TIAM2: variants seen among roughly 807,000 people sequenced by gnomAD.
The protein encoded by TIAM2 is TIAM Rac1 associated GEF 2.
A neutral mutation model predicts 152.9 loss-of-function variants in TIAM2; 80 were observed. The ratio of observed to expected loss-of-function variants is 0.52; its 90% CI spans 0.44 to 0.63. TIAM2 has a LOEUF of 0.63. Among genes scored for constraint, TIAM2 ranks in the 30% least tolerant of loss-of-function variants. The probability of loss-of-function intolerance (pLI) is 0.00; values close to 1 mark genes in which losing one functional copy is unlikely to be tolerated. For synonymous variants in TIAM2, 804 were observed against 838.0 expected (o/e 0.96, Z 0.70); for missense variants, 1,965 against 2,120.1 (o/e 0.93, Z 1.44).
intron 14 of TIAM2, among the ~76,000 whole-genome samples, chr6:155,202,499 G>T (rs1484827276): frequency 1.3e-5 from 2 of 152,092 alleles, no homozygotes; most frequent in Admixed American, 1.3e-4. Flanking sequence ...AGCCACTGCA[G>T]CCTCTACCTC....
At chr6:155,043,633 CAA>C (rs60093259) in intron 1 of TIAM2, among the ~76,000 whole-genome samples, 9 of 50,252 alleles carry the variant, frequency 1.8e-4, no homozygotes, top group East Asian at 6.4e-4. Context: ...GACCCTGTCT[CAA>C]AAAAAAAAAA....
chr6:155,108,192 CA>C (rs1199606379), intron 2 of TIAM2, among the ~76,000 whole-genome samples: 1 of 152,284 alleles, frequency 6.6e-6, no homozygotes, highest in East Asian at 1.9e-4. Context: ...GGTTCGTTTT[CA>C]GCTGTGCTGG....
intron 1 of TIAM2, among the ~76,000 whole-genome samples, chr6:155,045,131 G>A (rs184571772): frequency 3.9e-4 from 58 of 147,378 alleles, no homozygotes; most frequent in Middle Eastern, 3.5e-3. Flanking sequence ...GCTCACTGCA[G>A]CCTCTGCCCA....
At chr6:155,202,829 G>C (rs2115191024) in intron 14 of TIAM2, among the ~76,000 whole-genome samples, 1 of 148,692 alleles carries the variant, frequency 6.7e-6, no homozygotes, top group Admixed American at 6.8e-5. Context: ...CTCGAGGTTA[G>C]GAGTTTGAGA....
Position 155,154,490 on chromosome 6 carries a change from A to G in TIAM2, c.2028+6156A>G, listed in dbSNP as rs538496449. Among the ~76,000 whole-genome samples, 8 of 151,344 alleles carry G rather than the reference A, an allele frequency of 5.3e-5. No individual in the cohort carries two copies. In the South Asian group the frequency reaches 8.4e-4, roughly 16 times the overall value. On this transcript the variant is annotated intron_variant, in intron 7 of 26. Transcript: ENST00000682666. ...TGCAGCTTTCATTTGAGCATGTCCA[A>G]TGTGGACCAGATCACACCGCCATCC...
intron 1 of TIAM2, among the ~76,000 whole-genome samples, chr6:154,997,019 A>C (rs772013616): frequency 1.3e-5 from 2 of 152,166 alleles, no homozygotes; most frequent in East Asian, 3.9e-4. Flanking sequence ...AAGATGCTTC[A>C]TAATGTGGCA....
chr6:155,080,021 G>T (rs919780766), intron 1 of TIAM2, among the ~76,000 whole-genome samples: 1 of 152,112 alleles, frequency 6.6e-6, no homozygotes, highest in East Asian at 1.9e-4. Context: ...TCTGATGATG[G>T]TAAAATGAAA....
Position 155,148,264 on chromosome 6 carries a change from T to C in TIAM2, c.1958T>C (p.Met653Thr). The C allele has an allele frequency of 6.2e-7, 1 of 1,612,564 alleles. No individual in the cohort carries two copies. The highest frequency in any genetic ancestry group is 8.5e-7 in the Non-Finnish European group (1 of 1,179,998). The change falls in exon 7 of 27, where the codon ATG (methionine) becomes ACG (threonine). Residue 653 changes from methionine to threonine, a missense_variant. Physicochemically the swap from Met to Thr is moderately conservative, Grantham distance 81. This residue lies in a region of TIAM2 where 1,025 missense variants were observed against 1,119.4 expected (regional missense o/e 0.92). Transcript: ENST00000682666. ...LLQKIDMDSKMKKMAELQLSV... is the reference protein window; with the variant it reads ...LLQKIDMDSKTKKMAELQLSV... ...CAGAAGATAGACATGGACAGCAAGA[T>C]GAAGAAGATGGCAGAGCTGCAGCTG...
intron 1 of TIAM2, among the ~76,000 whole-genome samples, chr6:155,062,466 T>C (rs1333484770): frequency 6.6e-6 from 1 of 152,012 alleles, no homozygotes; most frequent in Non-Finnish European, 1.5e-5. Context: ...TGTTGCTCCA[T>C]ATCCTCACCA....
At chr6:155,191,972 A>C (rs1453435656) in intron 14 of TIAM2, among the ~76,000 whole-genome samples, 2 of 152,196 alleles carry the variant, frequency 1.3e-5, no homozygotes, top group Non-Finnish European at 2.9e-5. Flanking sequence ...TTTAAATTTC[A>C]AAAGACTTTG....
chr6:155,172,488 C>T (rs1583228483), intron 9 of TIAM2, among the ~76,000 whole-genome samples: 2 of 151,336 alleles, frequency 1.3e-5, no homozygotes, highest in South Asian at 2.1e-4. Context: ...CGTTTTTAAC[C>T]TCTTTTGAAG....
chr6:155,087,430 C>G lies in TIAM2; in HGVS notation c.-208-2859C>G, dbSNP rs549215550. On this transcript the variant is annotated intron_variant, in intron 1 of 26. Coordinates refer to ENST00000682666, the MANE Select transcript of TIAM2 (RefSeq NM_012454.4). ...AGACAGAGCCTAGTGAAGCTTGATT[C>G]AGTATTCTTTTCTTATCATTTGAAA... is the stretch of plus-strand genomic sequence containing the variant. Among the ~76,000 whole-genome samples, 405 of 152,262 alleles carry G rather than the reference C, an allele frequency of 2.7e-3. 1 individual carries two copies. The highest frequency in any genetic ancestry group is 9.0e-3 in the African/African-American group (375 of 41,548).
intron 15 of TIAM2, 97 bp downstream of exon 15, chr6:155,211,404 C>G: frequency 1.1e-6 from 1 of 879,428 alleles, no homozygotes; most frequent in South Asian, 1.5e-5. Context: ...AGTTACCTAT[C>G]TCTAGGTCCA....
At position 155,160,536 on chromosome 6, in the gene TIAM2, C is replaced by T. The variant is rs141216626; in HGVS notation, c.2029-3879C>T. Among the ~76,000 whole-genome samples, 510 of 152,232 alleles carry T rather than the reference C, an allele frequency of 3.4e-3. 2 individuals carry two copies. The highest frequency in any genetic ancestry group is 0.012 in the African/African-American group (481 of 41,536). On this transcript the variant is annotated intron_variant, in intron 7 of 26. Transcript: ENST00000682666. Reference sequence around the variant, plus strand: ...TTGGTACATAATATTAACCATTACGCGGGTGGATCGCTTTGAACTCAGGAG... The same window carrying T: ...TTGGTACATAATATTAACCATTACGTGGGTGGATCGCTTTGAACTCAGGAG...
intron 9 of TIAM2, among the ~76,000 whole-genome samples, chr6:155,166,745 T>C (rs972458804): frequency 6.6e-6 from 1 of 152,246 alleles, no homozygotes; most frequent in Non-Finnish European, 1.5e-5. Flanking sequence ...CTGTATTTCA[T>C]GATGCAGGTG....
rs917160954 is a variant in TIAM2, at chr6:155,227,163, G to C, written c.3169-13367G>C. ...GGAGCTTTCCATGCACTCACAGTGG[G>C]CTTTGGAAAAATCATTCACTCCCTT... is the stretch of plus-strand genomic sequence containing the variant. On this transcript the variant is annotated intron_variant, in intron 15 of 26. Coordinates refer to ENST00000682666, the MANE Select transcript of TIAM2 (RefSeq NM_012454.4). Among the ~76,000 whole-genome samples the C allele has an allele frequency of 2.6e-5, 4 of 152,188 alleles. No homozygotes were observed. In the East Asian group the frequency reaches 7.7e-4, roughly 29 times the overall value.
intron 7 of TIAM2, among the ~76,000 whole-genome samples, chr6:155,153,686 A>G (rs1780033452): frequency 6.9e-6 from 1 of 144,780 alleles, no homozygotes; most frequent in Non-Finnish European, 1.5e-5. Context: ...TAGTGGCGCA[A>G]TCTCAGCTCA....
Position 154,995,559 on chromosome 6 carries a change from C to T in TIAM2, c.-209+67C>T, listed in dbSNP as rs1197539867. On this transcript the variant is annotated intron_variant, in intron 1 of 26. Coordinates refer to ENST00000682666, the MANE Select transcript of TIAM2 (RefSeq NM_012454.4). This position sits in a 1 kb window ranked among gnomAD's most constrained non-coding sequence, Gnocchi z 5.2. ...GCGCTGGTTGGCGGCGGCTCCAGGT[C>T]CCCTGCGGGCGGGGCGGCGCGCGGC... The T allele has an allele frequency of 6.7e-6, 1 of 149,234 alleles. No homozygotes were observed. Among genetic ancestry groups the T allele is most frequent in the East Asian group, 2.0e-4 (1 of 4,890 alleles). 9.2% of individuals were successfully genotyped at this position (149,234 alleles called of 1,614,324 possible). A position where few individuals can be genotyped will look rare whatever the true frequency, so the allele number is the denominator to read the frequency against.
At chr6:155,101,450 T>C (rs73002995) in intron 2 of TIAM2, among the ~76,000 whole-genome samples, 6,084 of 152,314 alleles carry the variant, frequency 0.04, 164 homozygotes, top group Middle Eastern at 0.088. Flanking sequence ...TTGTGAGGGA[T>C]TATTTAATCT....
Sources: allele counts gnomAD v4.1 joint callset (sites outside exome capture counted in the v4.1 genomes callset), GRCh38; gene constraint gnomAD v4.1.1; regional missense constraint gnomAD v4.1.1; non-coding constraint Gnocchi (gnomAD v3.1); transcripts MANE v1.5; gene names NCBI Gene and HGNC (gene_info 2026-07-23, HGNC 2026-07-21).